NOP58: variants seen among roughly 807,000 people sequenced by gnomAD.
The protein encoded by NOP58 is NOP58 ribonucleoprotein.
A neutral mutation model predicts 71.2 loss-of-function variants in NOP58; 44 were observed. The ratio of observed to expected loss-of-function variants is 0.62; its 90% CI spans 0.49 to 0.79. NOP58 has a LOEUF of 0.79. Ranked by LOEUF, NOP58 falls within the 30% of genes least tolerant of loss-of-function variation. NOP58 has a pLI of 0.00. For missense variants in NOP58, 538 were observed against 620.2 expected (o/e 0.87, Z 1.41); for synonymous variants, 228 against 200.3 (o/e 1.14, Z -1.17).
chr2:202,293,031 G>T (rs556017791), intron 9 of NOP58, 128 bp downstream of exon 9: 5 of 962,060 alleles, frequency 5.2e-6, no homozygotes, highest in Non-Finnish European at 8.4e-6. Flanking sequence ...GATGATATGT[G>T]GGAGATCACT....
At chr2:202,297,789 A>G in intron 11 of NOP58, 56 bp from the exon 12 acceptor site, 1 of 1,053,312 alleles carries the variant, frequency 9.5e-7, no homozygotes, top group South Asian at 1.5e-5. Context: ...TGTATAGTGT[A>G]TTATAAAGAG....
chr2:202,278,289 T>G (rs1275038359), intron 3 of NOP58: 2 of 537,960 alleles, frequency 3.7e-6, no homozygotes, highest in Admixed American at 4.5e-5. Flanking sequence ...AACATAATGC[T>G]GAAGCACAAT....
intron 3 of NOP58, among the ~76,000 whole-genome samples, chr2:202,279,189 C>A (rs1688659531): frequency 6.6e-6 from 1 of 152,158 alleles, no homozygotes; most frequent in Admixed American, 6.6e-5. Context: ...TAGTCCTGAT[C>A]TCAAGTAGCC....
rs115269552 is a variant in NOP58 at position 202,294,995 on chromosome 2, T to C, written c.908-679T>C. ...AAAAAAAAAATGCAAGCATAACTAT[T>C]TTTGTGCATTGGTTACTTGAATATA... On this transcript the variant is annotated intron_variant, in intron 9 of 14. Coordinates refer to ENST00000264279, the MANE Select transcript of NOP58 (RefSeq NM_015934.5). Among the ~76,000 whole-genome samples the C allele has an allele frequency of 1.2e-3, 179 of 152,126 alleles. 1 individual carries two copies. The highest frequency in any genetic ancestry group is 3.3e-3 in the African/African-American group (138 of 41,488).
intron 3 of NOP58, chr2:202,278,379 A>C (rs1688641214): frequency 2.2e-6 from 1 of 445,192 alleles, no homozygotes; most frequent in Non-Finnish European, 4.6e-6. Context: ...CCAAGGGTAG[A>C]GTTGTAATCC....
At chr2:202,302,884 T>A (rs1276987621) in intron 13 of NOP58, 37 bp from the exon 14 acceptor site, 7 of 1,582,658 alleles carry the variant, frequency 4.4e-6, no homozygotes, top group Non-Finnish European at 6.0e-6. Context: ...TCTGATACAG[T>A]GTTAATTTGT....
At chr2:202,286,348 CA>C (rs551363048) in intron 5 of NOP58, among the ~76,000 whole-genome samples, 2 of 142,648 alleles carry the variant, frequency 1.4e-5, no homozygotes, top group Admixed American at 7.1e-5. Context: ...ACTAAAAATA[CA>C]AAAAAATTAG....
intron 14 of NOP58, 143 bp from the exon 15 acceptor site, chr2:202,303,243 C>A: frequency 7.3e-7 from 1 of 1,376,030 alleles, no homozygotes; most frequent in Non-Finnish European, 9.9e-7. Context: ...GAATTTATTA[C>A]TAAAAATCAA....
intron 10 of NOP58, among the ~76,000 whole-genome samples, chr2:202,296,248 T>G (rs965583548): frequency 2.0e-5 from 3 of 152,040 alleles, no homozygotes; most frequent in African/African-American, 7.3e-5. Context: ...CAGGCTAGAG[T>G]GCAGTGGCTT....
intron 1 of NOP58, among the ~76,000 whole-genome samples, chr2:202,267,018 G>T (rs1210304659): frequency 6.6e-5 from 10 of 152,090 alleles, no homozygotes; most frequent in Non-Finnish European, 1.5e-5. Context: ...TTGAGGTTTG[G>T]TTGTTTTCGT....
At chr2:202,271,295 C>G (rs1475623505) in intron 1 of NOP58, among the ~76,000 whole-genome samples, 2 of 151,974 alleles carry the variant, frequency 1.3e-5, no homozygotes, top group African/African-American at 2.4e-5. Context: ...GTGGCTCACG[C>G]CTGTCATCCC....
rs369599103 is a variant in NOP58 at position 202,290,293 on chromosome 2, T to TTTG, written c.500-28_500-27insGTT. 5.6e-4 allele frequency: 482 copies of TTTG among 856,114 alleles called. 2 individuals are homozygous for TTTG. The African/African-American group carries it at 0.016, about 29-fold the overall frequency. 53.0% of individuals were successfully genotyped at this position (856,114 alleles called of 1,614,324 possible). On this transcript the variant is annotated intron_variant, in intron 6 of 14. Coordinates refer to ENST00000264279, the MANE Select transcript of NOP58 (RefSeq NM_015934.5). ...TTTTACCACAATAAATCCCTTTAAGTTTTGTTTGTTTGTTTTTAATCTACT... is the reference window on the plus strand; with the variant it reads ...TTTTACCACAATAAATCCCTTTAAGTTTGTTTGTTTGTTTGTTTTTAATCTACT...
At chr2:202,289,953 CT>C (rs140691206) in intron 6 of NOP58, among the ~76,000 whole-genome samples, 10 of 149,500 alleles carry the variant, frequency 6.7e-5, no homozygotes, top group East Asian at 5.8e-4. Flanking sequence ...ATTTTTTATT[CT>C]TTTTTTTTTA....
chr2:202,273,216 A>G (rs1271028475), intron 1 of NOP58, among the ~76,000 whole-genome samples: 1 of 152,250 alleles, frequency 6.6e-6, no homozygotes, highest in African/African-American at 2.4e-5. Context: ...AGGGCAATTC[A>G]TGAGCACACA....
intron 6 of NOP58, among the ~76,000 whole-genome samples, chr2:202,288,500 A>T (rs1293757804): frequency 6.6e-6 from 1 of 151,512 alleles, no homozygotes; most frequent in Non-Finnish European, 1.5e-5. Context: ...AAAAAAAAAA[A>T]AAATCAAAAT....
At chr2:202,270,605 G>A (rs1025309121) in intron 1 of NOP58, among the ~76,000 whole-genome samples, 2 of 151,986 alleles carry the variant, frequency 1.3e-5, no homozygotes, top group African/African-American at 4.8e-5. Flanking sequence ...GCAACATGGC[G>A]GAAAAAAAAT....
chr2:202,274,195 C>G (rs1688550450), intron 1 of NOP58, among the ~76,000 whole-genome samples: 1 of 151,970 alleles, frequency 6.6e-6, no homozygotes, highest in Admixed American at 6.6e-5. Flanking sequence ...CGAATATAAT[C>G]TATTGAAAGT....
At chr2:202,281,961 C>G (rs566961578) in intron 3 of NOP58, among the ~76,000 whole-genome samples, 2 of 152,282 alleles carry the variant, frequency 1.3e-5, no homozygotes, top group South Asian at 4.1e-4. Context: ...AATGATTACA[C>G]TCATTTTTAC....
chr2:202,303,070 T>G lies in NOP58; in HGVS notation c.1539+13T>G. On this transcript the variant is annotated intron_variant, in intron 14 of 14. Transcript: ENST00000264279. The stretch of plus-strand genomic sequence containing the variant: ...CACAGCAATTGCTGTATGTTTGTTT[T>G]TAATTATCGGTTTTCACTTGGAGGG... 6.2e-7 allele frequency: 1 copy of G among 1,605,788 alleles called. No homozygotes were observed. The highest frequency in any genetic ancestry group is 8.5e-7 in the Non-Finnish European group (1 of 1,178,298).
Sources: allele counts gnomAD v4.1 joint callset (sites outside exome capture counted in the v4.1 genomes callset), GRCh38; gene constraint gnomAD v4.1.1; transcripts MANE v1.5; gene names NCBI Gene and HGNC (gene_info 2026-07-23, HGNC 2026-07-21).